MORN2: variants seen among roughly 807,000 people sequenced by gnomAD.
MORN2 encodes the protein MORN repeat-containing protein 2.
Under a neutral mutation model 13.4 loss-of-function variants are expected in MORN2, and 15 were observed. The ratio of observed to expected loss-of-function variants is 1.12; its 90% CI spans 0.75 to 1.72. The LOEUF (loss-of-function observed/expected upper bound fraction) is 1.72. Among genes scored for constraint, MORN2 ranks in the 40% most tolerant of loss-of-function variants. MORN2 has a pLI of 0.00. For synonymous variants in MORN2, 46 were observed against 43.6 expected, an observed-to-expected ratio of 1.06 and a Z score of -0.22; for missense variants, 168 against 134.6, an observed-to-expected ratio of 1.25 and a Z score of -1.23.
chr2:38,876,517 C>A (rs1373344813), intron 1 of MORN2, among the ~76,000 whole-genome samples: 1 of 152,234 alleles, frequency 6.6e-6, no homozygotes, highest in East Asian at 1.9e-4. Flanking sequence ...CCTTCATTCA[C>A]TAGACGTTCT....
Position 38,880,665 on chromosome 2 carries a change from C to G in MORN2, c.175C>G (p.Pro59Ala), listed in dbSNP as rs867147089. The G allele has an allele frequency of 6.5e-7, 1 of 1,549,820 alleles. No individual in the cohort carries two copies. The change falls in exon 3 of 5, where the codon CCT (proline) becomes GCT (alanine). Residue 59 changes from proline to alanine, a missense_variant. Pro to Ala is a conservative substitution (Grantham distance 27, BLOSUM62 -1). Coordinates refer to ENST00000644631, the MANE Select transcript of MORN2 (RefSeq NM_001145450.3). ...AAATGGAATAGGTATTCATACCACT[C>G]CTAATGGGATTGTCTACACAGGAAG...
rs1175907519 is a variant in MORN2, at chr2:38,875,986, C to G, written c.-67C>G. ...TATTCGCTTCCGGGTGAGAGGTGCC[C>G]GGTCGCCCCAGCAACCAAGTCGCAC... On this transcript the variant is annotated 5_prime_UTR_variant, in exon 1 of 5. Coordinates refer to ENST00000644631, the MANE Select transcript of MORN2 (RefSeq NM_001145450.3). 1.5e-5 allele frequency: 6 copies of G among 398,708 alleles called. No homozygotes were observed. The highest frequency in any genetic ancestry group is 4.4e-5 in the Admixed American group (1 of 22,728). The allele number at this position is 398,708 out of a possible 1,614,324, so 24.7% of individuals were successfully genotyped here.
chr2:38,882,456 T>C lies in MORN2; in HGVS notation c.397T>C (p.Trp133Arg). The change falls in exon 5 of 5, where the codon TGG (tryptophan) becomes CGG (arginine). Residue 133 changes from tryptophan to arginine, a missense_variant. Transcript: ENST00000644631. ...ATATACTGATATCCAAGGACTAGAATGGAGTGGTAACTTTCATTTTACAGC... is the reference window on the plus strand; with the variant it reads ...ATATACTGATATCCAAGGACTAGAACGGAGTGGTAACTTTCATTTTACAGC... The C allele has an allele frequency of 1.3e-6, 2 of 1,551,092 alleles. No individual in the cohort carries two copies. Among genetic ancestry groups the C allele is most frequent in the Non-Finnish European group, 1.7e-6 (2 of 1,146,594 alleles).
At chr2:38,876,583 A>T (rs1414340044) in intron 1 of MORN2, among the ~76,000 whole-genome samples, 1 of 152,176 alleles carries the variant, frequency 6.6e-6, no homozygotes, top group Non-Finnish European at 1.5e-5. Flanking sequence ...AGATTTGACT[A>T]ATCTGCCATC....
At chr2:38,878,391 C>T (rs1287577882) in intron 1 of MORN2, among the ~76,000 whole-genome samples, 2 of 152,150 alleles carry the variant, frequency 1.3e-5, no homozygotes, top group Non-Finnish European at 2.9e-5. Flanking sequence ...TCATTTTCTT[C>T]AGTTCTGAGA....
At chr2:38,878,910 G>A (rs192681497) in intron 1 of MORN2, among the ~76,000 whole-genome samples, 7 of 152,256 alleles carry the variant, frequency 4.6e-5, no homozygotes, top group African/African-American at 1.7e-4. Context: ...CAGTAGATGT[G>A]GGGTAGAGAG....
In MORN2 at chr2:38,880,697, A is replaced by G; in HGVS notation, c.207A>G (p.Lys69=). 1 of 1,550,208 alleles carries G rather than the reference A, an allele frequency of 6.5e-7. No homozygotes were observed. ...GGATTGTCTACACAGGAAGCTGGAA[A>G]GATGACAAGGTATTATTGTTGTTTT... Residue 69 remains lysine, a synonymous_variant, in exon 3 of 5, where the codon AAA becomes AAG. Coordinates refer to ENST00000644631, the MANE Select transcript of MORN2 (RefSeq NM_001145450.3).
At chr2:38,877,319 TAAAA>T (rs986059946) in intron 1 of MORN2, among the ~76,000 whole-genome samples, 4 of 151,488 alleles carry the variant, frequency 2.6e-5, no homozygotes, top group Non-Finnish European at 5.9e-5. Flanking sequence ...AATTAAAAAA[TAAAA>T]AAGAAAGAAA....
intron 1 of MORN2, among the ~76,000 whole-genome samples, chr2:38,878,517 C>CT (rs920325564): frequency 2.0e-5 from 3 of 151,020 alleles, no homozygotes; most frequent in African/African-American, 4.9e-5. Flanking sequence ...GTGCTACTTT[C>CT]TTTTTTTTTA....
intron 1 of MORN2, among the ~76,000 whole-genome samples, chr2:38,879,900 A>G (rs1665737665): frequency 6.6e-6 from 1 of 152,230 alleles, no homozygotes; most frequent in South Asian, 2.1e-4. Flanking sequence ...TACATTAGAC[A>G]ATGGAAATAC....
At position 38,876,042 on chromosome 2, in the gene MORN2, C is replaced by T. The variant is rs867432348; in HGVS notation, c.-11C>T. 2.5e-5 allele frequency: 10 copies of T among 398,706 alleles called. No individual in the cohort carries two copies. Among genetic ancestry groups the T allele is most frequent in the Middle Eastern group, 6.3e-4 (1 of 1,590 alleles). The allele number at this position is 398,706 out of a possible 1,614,324, so 24.7% of individuals were successfully genotyped here. On this transcript the variant is annotated 5_prime_UTR_variant, in exon 1 of 5. Transcript: ENST00000644631. The stretch of plus-strand genomic sequence containing the variant: ...GCTGTCCTAGCGCCTAGTTCTCTCC[C>T]GGCCGCAGAGCTGGCCGCCCAGGGG...
In MORN2 at chr2:38,880,183, A is replaced by G. The variant is rs1665743181; in HGVS notation, c.63A>G (p.Ser21=). 2 of 399,022 alleles carry G rather than the reference A, an allele frequency of 5.0e-6. No homozygotes were observed. Among genetic ancestry groups the G allele is most frequent in the Non-Finnish European group, 8.8e-6 (2 of 226,076 alleles). The allele number at this position is 399,022 out of a possible 1,614,324, so 24.7% of individuals were successfully genotyped here. Reference sequence around the variant, plus strand: ...TTTTTAAATCTTTTAAAACAGCTTCAGAAGTGTATAAGATCAGCTTTATCT... The same window carrying G: ...TTTTTAAATCTTTTAAAACAGCTTCGGAAGTGTATAAGATCAGCTTTATCT... Residue 21 remains serine (S), a synonymous_variant, in exon 2 of 5, where the codon TCA becomes TCG. Coordinates refer to ENST00000644631, the MANE Select transcript of MORN2 (RefSeq NM_001145450.3).
intron 1 of MORN2, among the ~76,000 whole-genome samples, chr2:38,876,599 C>G (rs1326729816): frequency 1.3e-5 from 2 of 152,090 alleles, no homozygotes; most frequent in South Asian, 2.1e-4. Flanking sequence ...CCATCCGTGT[C>G]CTGGAGGAAC....
intron 4 of MORN2, among the ~76,000 whole-genome samples, chr2:38,881,865 G>C (rs1665784721): frequency 6.6e-6 from 1 of 152,182 alleles, no homozygotes; most frequent in South Asian, 2.1e-4. Flanking sequence ...TGAGCAGGCT[G>C]GTCTAGAACT....
At chr2:38,881,647 C>A in intron 4 of MORN2, 69 bp downstream of exon 4, 1 of 1,176,884 alleles carries the variant, frequency 8.5e-7, no homozygotes, top group South Asian at 1.7e-5. Context: ...TGCTTAAATA[C>A]TTATTTATTT....
chr2:38,880,130 T>C (rs548040895), intron 1 of MORN2, 49 bp from the exon 2 acceptor site: 45 of 397,412 alleles, frequency 1.1e-4, no homozygotes, highest in Non-Finnish European at 2.0e-4. Context: ...CTTGCCTCTA[T>C]CGAAAAAAAA....
At chr2:38,878,271 T>C (rs1034955743) in intron 1 of MORN2, among the ~76,000 whole-genome samples, 4 of 152,248 alleles carry the variant, frequency 2.6e-5, no homozygotes, top group African/African-American at 9.6e-5. Flanking sequence ...TGGTTTTTGT[T>C]TGCTTGTTTT....
rs185793061 is a variant in MORN2, at chr2:38,882,391, A to T, written c.354-22A>T. 3.5e-5 allele frequency: 52 copies of T among 1,469,726 alleles called. No individual in the cohort carries two copies. The East Asian group carries it at 9.7e-4, about 27-fold the overall frequency. The allele number at this position is 1,469,726 out of a possible 1,614,324, so 91.0% of individuals were successfully genotyped here. A position where few individuals can be genotyped will look rare whatever the true frequency, so the allele number is the denominator to read the frequency against. On this transcript the variant is annotated intron_variant, in intron 4 of 4. Transcript: ENST00000644631. The stretch of plus-strand genomic sequence containing the variant: ...AAATTATTCATCTTTGTTAATGGAA[A>T]ACTTATTTTCTACTATTGCAGGGTG...
chr2:38,880,707 G>A lies in MORN2; in HGVS notation c.216+1G>A, dbSNP rs781570314. ...CACAGGAAGCTGGAAAGATGACAAG[G>A]TATTATTGTTGTTTTTAATATTGGC... On this transcript the variant is annotated splice_donor_variant, in intron 3 of 4. Coordinates refer to ENST00000644631, the MANE Select transcript of MORN2 (RefSeq NM_001145450.3). LOFTEE classifies it high-confidence loss of function. The A allele has an allele frequency of 1.2e-5, 19 of 1,549,566 alleles. No homozygotes were observed. Among genetic ancestry groups the A allele is most frequent in the Non-Finnish European group, 1.6e-5 (18 of 1,146,630 alleles).
Sources: gnomAD v4.1 joint callset for allele counts (sites outside exome capture counted in the v4.1 genomes callset) on GRCh38, gnomAD v4.1.1 for gene constraint, MANE v1.5 for transcripts, NCBI Gene and HGNC (gene_info 2026-07-23, HGNC 2026-07-21) for gene names.